The following CDKAL1 variants were observed in gnomAD, a reference collection of about 807,000 sequenced individuals.
The protein encoded by CDKAL1 is threonylcarbamoyladenosine tRNA methylthiotransferase.
CDKAL1 carries 32 observed loss-of-function variants against 68.2 expected under a neutral mutation model. The ratio of observed to expected loss-of-function variants is 0.47; its 90% CI spans 0.35 to 0.63. The LOEUF is 0.63. Ranked by LOEUF, CDKAL1 falls within the 30% of genes least tolerant of loss-of-function variation. The pLI is 0.00. For missense variants in CDKAL1, 606 were observed against 696.7 expected, an observed-to-expected ratio of 0.87 and a Z score of 1.47; for synonymous variants, 234 against 244.3, an observed-to-expected ratio of 0.96 and a Z score of 0.39.
chr6:20,534,862 T>A (rs1042596351), intron 1 of CDKAL1, among the ~76,000 whole-genome samples: 7 of 152,288 alleles, frequency 4.6e-5, no homozygotes, highest in African/African-American at 1.7e-4. Context: ...TATACCTTAG[T>A]GAATTTGTAG....
chr6:20,624,126 A>G (rs995304286), intron 4 of CDKAL1, among the ~76,000 whole-genome samples: 1 of 152,034 alleles, frequency 6.6e-6, no homozygotes, highest in Non-Finnish European at 1.5e-5. Flanking sequence ...AGAGTTTACT[A>G]TTTAATTCAA....
intron 5 of CDKAL1, among the ~76,000 whole-genome samples, chr6:20,680,780 C>G (rs1017551450): frequency 6.6e-6 from 1 of 152,152 alleles, no homozygotes; most frequent in Non-Finnish European, 1.5e-5. Context: ...TCGGGTCATG[C>G]CTTGAGTCTT....
At chr6:20,565,151 A>AT (rs549725280) in intron 4 of CDKAL1, among the ~76,000 whole-genome samples, 1 of 152,002 alleles carries the variant, frequency 6.6e-6, no homozygotes, top group Admixed American at 6.6e-5. Flanking sequence ...ATATATATAT[A>AT]TATTTTTAAA....
chr6:20,999,999 A>G (rs1767345591), intron 10 of CDKAL1, among the ~76,000 whole-genome samples: 1 of 152,220 alleles, frequency 6.6e-6, no homozygotes, highest in South Asian at 2.1e-4. Flanking sequence ...ACCTAAGAGA[A>G]ACAGCGAGCA....
At chr6:20,778,175 CAT>C (rs1775256622) in intron 7 of CDKAL1, among the ~76,000 whole-genome samples, 3 of 151,942 alleles carry the variant, frequency 2.0e-5, no homozygotes, top group Non-Finnish European at 4.4e-5. Flanking sequence ...AACAATAAAA[CAT>C]GTGGAAGAAA....
intron 9 of CDKAL1, among the ~76,000 whole-genome samples, chr6:20,933,268 A>G (rs1451238672): frequency 6.6e-6 from 1 of 152,214 alleles, no homozygotes; most frequent in African/African-American, 2.4e-5. Context: ...GGGCAATAAG[A>G]TAATTGTTTT....
At chr6:21,196,175 A>G (rs1283386809) in intron 13 of CDKAL1, among the ~76,000 whole-genome samples, 1 of 152,220 alleles carries the variant, frequency 6.6e-6, no homozygotes, top group African/African-American at 2.4e-5. Context: ...TGGCTCTACA[A>G]TTTCACATTG....
intron 4 of CDKAL1, among the ~76,000 whole-genome samples, chr6:20,605,454 T>G (rs1418634119): frequency 6.6e-6 from 1 of 152,198 alleles, no homozygotes; most frequent in Non-Finnish European, 1.5e-5. Context: ...CAATTCTGGG[T>G]CAGTTCTTAT....
At chr6:21,079,976 C>CTGTGTGTGTG (rs764266426) in intron 12 of CDKAL1, among the ~76,000 whole-genome samples, 37,021 of 135,606 alleles carry the variant, frequency 0.27, 5,339 homozygotes, top group East Asian at 0.33. Flanking sequence ...AACTTTGTCT[C>CTGTGTGTGTG]TGTGTGTGTG....
intron 15 of CDKAL1, among the ~76,000 whole-genome samples, chr6:21,229,517 A>G (rs2151131360): frequency 6.6e-6 from 1 of 152,252 alleles, no homozygotes; most frequent in Admixed American, 6.5e-5. Context: ...CAGCTTCCCA[A>G]ACAGAAGCCA....
chr6:21,105,025 T>TTTCTAAAAATATTTTCCC (rs1773778444), intron 12 of CDKAL1, among the ~76,000 whole-genome samples: 1 of 152,228 alleles, frequency 6.6e-6, no homozygotes, highest in Non-Finnish European at 1.5e-5. Flanking sequence ...CATAATTTCC[T>TTTCTAAAAATATTTTCCC]TTCTAAAAAT....
intron 3 of CDKAL1, 45 bp from the exon 4 acceptor site, chr6:20,548,548 C>T (rs1162828153): frequency 1.0e-5 from 9 of 869,778 alleles, no homozygotes; most frequent in Non-Finnish European, 3.8e-6. Context: ...AAAAAAAAAT[C>T]ACTCAATGAA....
chr6:20,678,638 C>T (rs189089000), intron 5 of CDKAL1, among the ~76,000 whole-genome samples: 1 of 152,234 alleles, frequency 6.6e-6, no homozygotes, highest in African/African-American at 2.4e-5. Flanking sequence ...CTTTATACTA[C>T]AGTTGTTTCG....
At chr6:20,784,246 C>T (rs1313017312) in intron 8 of CDKAL1, among the ~76,000 whole-genome samples, 2 of 150,818 alleles carry the variant, frequency 1.3e-5, no homozygotes, top group African/African-American at 4.9e-5. Flanking sequence ...TTGCATATAA[C>T]CCACTTACTT....
chr6:21,160,843 G>T (rs1776895746), intron 13 of CDKAL1, among the ~76,000 whole-genome samples: 2 of 151,626 alleles, frequency 1.3e-5, no homozygotes, highest in African/African-American at 4.9e-5. Flanking sequence ...GCAGGTATTT[G>T]TCCTAATGCT....
chr6:20,658,553 T>C (rs184719533), intron 5 of CDKAL1, among the ~76,000 whole-genome samples: 1 of 134,408 alleles, frequency 7.4e-6, no homozygotes, highest in African/African-American at 3.2e-5. Flanking sequence ...GTTATTCCTA[T>C]TATGAAAATA....
chr6:20,869,170 A>C (rs1429265628), intron 9 of CDKAL1, among the ~76,000 whole-genome samples: 4 of 152,192 alleles, frequency 2.6e-5, no homozygotes, highest in Non-Finnish European at 5.9e-5. Context: ...TATTGATATG[A>C]TGTAATTCAC....
chr6:20,837,981 G>GTGTA (rs1371386142), intron 8 of CDKAL1, among the ~76,000 whole-genome samples: 2 of 145,350 alleles, frequency 1.4e-5, no homozygotes, highest in Non-Finnish European at 3.0e-5. Context: ...GTGTGTGTGT[G>GTGTA]TATACTTCTA....
chr6:20,784,502 C>T (rs1218515477), intron 8 of CDKAL1, among the ~76,000 whole-genome samples: 1 of 130,960 alleles, frequency 7.6e-6, no homozygotes, highest in East Asian at 2.6e-4. Context: ...CGGCTCACTG[C>T]AACCTCCGCC....
Sources: gnomAD v4.1 joint callset for allele counts (sites outside exome capture counted in the v4.1 genomes callset) on GRCh38, gnomAD v4.1.1 for gene constraint, MANE v1.5 for transcripts, NCBI Gene and HGNC (gene_info 2026-07-23, HGNC 2026-07-21) for gene names.